The following MAPK10 variants were observed in gnomAD, a reference collection of about 807,000 sequenced individuals.
The protein encoded by MAPK10 is JNK3 alpha protein kinase.
In MAPK10, 25 loss-of-function variants were observed where a neutral mutation model predicts 59.3. The observed-to-expected ratio is 0.42, with a 90% CI of 0.31 to 0.59. The LOEUF (loss-of-function observed/expected upper bound fraction) is 0.59. Ranked by LOEUF, MAPK10 falls within the 20% of genes least tolerant of loss-of-function variation. The pLI, the probability that MAPK10 is intolerant of heterozygous loss-of-function variation, is 0.15. For synonymous variants in MAPK10, 190 were observed against 200.5 expected (o/e 0.95, Z 0.44); for missense variants, 351 against 568.9 (o/e 0.62, Z 3.90).
chr4:86,050,432 G>C (rs2043292107), intron 11 of MAPK10, among the ~76,000 whole-genome samples: 1 of 152,156 alleles, frequency 6.6e-6, no homozygotes, highest in Non-Finnish European at 1.5e-5. Context: ...ATGAGACTTT[G>C]AGTCCATGTC....
intron 2 of MAPK10, among the ~76,000 whole-genome samples, chr4:86,307,969 T>C (rs941866666): frequency 2.6e-5 from 4 of 152,124 alleles, no homozygotes; most frequent in African/African-American, 7.2e-5. Flanking sequence ...TGCAGAATTA[T>C]AGAGGCAAGA....
At chr4:86,517,424 G>A (rs1756770128) in intron 1 of MAPK10, among the ~76,000 whole-genome samples, 2 of 151,768 alleles carry the variant, frequency 1.3e-5, no homozygotes, top group Non-Finnish European at 2.9e-5. Flanking sequence ...TACAGGGGCC[G>A]GCCACCGCGC....
intron 1 of MAPK10, chr4:86,429,740 C>G (rs560538096): frequency 2.8e-4 from 43 of 151,764 alleles, no homozygotes; most frequent in African/African-American, 1.0e-3. Context: ...GAGTTTCTGG[C>G]TGCAATGAGC....
At chr4:86,487,065 C>A (rs542891727) in intron 1 of MAPK10, among the ~76,000 whole-genome samples, 15 of 152,126 alleles carry the variant, frequency 9.9e-5, no homozygotes, top group Non-Finnish European at 2.1e-4. Context: ...AGGAAATCTT[C>A]CAGATTTGGG....
chr4:86,220,587 T>TA (rs1266559060), intron 2 of MAPK10, among the ~76,000 whole-genome samples: 1 of 152,250 alleles, frequency 6.6e-6, no homozygotes, highest in Non-Finnish European at 1.5e-5. Flanking sequence ...TATATACATA[T>TA]ATGATTAACT....
At chr4:86,479,820 T>A (rs1753437913) in intron 1 of MAPK10, among the ~76,000 whole-genome samples, 1 of 152,098 alleles carries the variant, frequency 6.6e-6, no homozygotes, top group Non-Finnish European at 1.5e-5. Flanking sequence ...ATCCAGGCCA[T>A]CACCAATAAT....
chr4:86,276,160 A>G (rs2094569855), intron 2 of MAPK10, among the ~76,000 whole-genome samples: 1 of 152,064 alleles, frequency 6.6e-6, no homozygotes, highest in African/African-American at 2.4e-5. Context: ...TGTTGGGTTT[A>G]TATTTAATTC....
chr4:86,101,419 G>T, intron 7 of MAPK10: 1 of 503,892 alleles, frequency 2.0e-6, no homozygotes, highest in Non-Finnish European at 3.5e-6. Flanking sequence ...GAAAAGAATT[G>T]TATTATCATT....
chr4:86,274,869 C>T lies in MAPK10; in HGVS notation c.-7+79661G>A, dbSNP rs534149745. Among the ~76,000 whole-genome samples, 5 of 152,074 alleles carry T rather than the reference C, an allele frequency of 3.3e-5. No homozygotes were observed. In the South Asian group the frequency reaches 8.3e-4, roughly 25 times the overall value. On this transcript the variant is annotated intron_variant, in intron 2 of 13. Transcript: ENST00000641462. ...CTGTCAATCAAACTTGACAGAAAGA[C>T]TGAGATTAAGCAATTTTCTCAATTA... is the stretch of plus-strand genomic sequence containing the variant.
intron 1 of MAPK10, among the ~76,000 whole-genome samples, chr4:86,472,142 C>A (rs1404616449): frequency 6.6e-6 from 1 of 152,036 alleles, no homozygotes. Flanking sequence ...AAAGAGTTTT[C>A]TGTTTGAAAA....
At chr4:86,242,941 C>T (rs2092833439) in intron 2 of MAPK10, among the ~76,000 whole-genome samples, 1 of 152,188 alleles carries the variant, frequency 6.6e-6, no homozygotes, top group African/African-American at 2.4e-5. Context: ...CGCTAGGCCC[C>T]GGTGGCATGG....
chr4:86,387,218 G>A (rs1021368190), intron 1 of MAPK10, among the ~76,000 whole-genome samples: 4 of 152,112 alleles, frequency 2.6e-5, no homozygotes, highest in Non-Finnish European at 4.4e-5. Context: ...TGGGGAAGTG[G>A]GCAATGATGA....
chr4:86,451,853 G>A (rs1750753169), intron 1 of MAPK10, among the ~76,000 whole-genome samples: 1 of 152,056 alleles, frequency 6.6e-6, no homozygotes, highest in South Asian at 2.1e-4. Context: ...TGAGAGAGGA[G>A]TTGACAAAAA....
intron 2 of MAPK10, among the ~76,000 whole-genome samples, chr4:86,352,791 A>T (rs2148965505): frequency 6.6e-6 from 1 of 152,316 alleles, no homozygotes; most frequent in Middle Eastern, 3.4e-3. Flanking sequence ...TTTCACAATT[A>T]AAAAATAAAC....
intron 2 of MAPK10, among the ~76,000 whole-genome samples, chr4:86,324,468 A>G (rs2095975916): frequency 6.6e-6 from 1 of 152,058 alleles, no homozygotes; most frequent in African/African-American, 2.4e-5. Context: ...CCCTTACACT[A>G]CTTTTGATAG....
At chr4:86,214,511 TAAAAAAAA>T (rs70948783) in intron 2 of MAPK10, among the ~76,000 whole-genome samples, 1 of 75,974 alleles carries the variant, frequency 1.3e-5, no homozygotes, top group African/African-American at 5.2e-5. Flanking sequence ...TAAGATTCCT[TAAAAAAAA>T]AAAAAAAAAA....
At chr4:86,198,944 A>G (rs1049970273) in intron 2 of MAPK10, among the ~76,000 whole-genome samples, 1 of 152,010 alleles carries the variant, frequency 6.6e-6, no homozygotes, top group African/African-American at 2.4e-5. Flanking sequence ...GAAATATACG[A>G]GCACTCACAA....
chr4:86,169,933 T>TG, intron 3 of MAPK10, among the ~76,000 whole-genome samples: 1 of 152,242 alleles, frequency 6.6e-6, no homozygotes, highest in Admixed American at 6.5e-5. Flanking sequence ...GAAAAGAATT[T>TG]CAACCCAGAA....
At chr4:86,372,569 A>AAAGAAAGAAAG (rs1202722328) in intron 1 of MAPK10, among the ~76,000 whole-genome samples, 4 of 59,986 alleles carry the variant, frequency 6.7e-5, no homozygotes, top group East Asian at 1.2e-3. Flanking sequence ...AGAAAGAAAG[A>AAAGAAAGAAAG]AAAGAAAAGA....
Sources: allele counts gnomAD v4.1 joint callset (sites outside exome capture counted in the v4.1 genomes callset), GRCh38; gene constraint gnomAD v4.1.1; transcripts MANE v1.5; gene names NCBI Gene and HGNC (gene_info 2026-07-23, HGNC 2026-07-21).